Variants in CTNND1 observed in about 807,000 individuals in gnomAD.
CTNND1 encodes catenin delta-1.
Under a neutral mutation model 112.1 loss-of-function variants are expected in CTNND1, and 16 were observed. That is an observed-to-expected ratio of 0.14 (90% CI 0.10 to 0.22). The LOEUF (loss-of-function observed/expected upper bound fraction) is 0.22. Among genes scored for constraint, CTNND1 ranks in the 10% least tolerant of loss-of-function variants. CTNND1 has a pLI of 1.00. For missense variants in CTNND1, 1,008 were observed against 1,257.0 expected, an observed-to-expected ratio of 0.80 and a Z score of 3.00; for synonymous variants, 420 against 446.5, an observed-to-expected ratio of 0.94 and a Z score of 0.75.
intron 11 of CTNND1, 128 bp downstream of exon 11, chr11:57,806,606 T>A: frequency 2.3e-6 from 2 of 851,182 alleles, no homozygotes; most frequent in Non-Finnish European, 3.8e-6. Flanking sequence ...AGGAAGACAC[T>A]GAAACAAGTT....
In CTNND1 at chr11:57,814,373, GGTA is replaced by G; in HGVS notation, c.2701+2_2701+4del. On this transcript the variant is annotated splice_donor_variant and splice_donor_region_variant and intron_variant, in intron 18 of 20. Coordinates refer to ENST00000399050, the MANE Select transcript of CTNND1 (RefSeq NM_001085458.2). LOFTEE classifies it high-confidence loss of function. ...TATGGGATCAAACACAAAATCACTA[GGTA>G]GGTGATTAATTCCTGCCTAAGGATG... The G allele has an allele frequency of 6.2e-7, 1 of 1,605,688 alleles. No individual in the cohort carries two copies. The highest frequency in any genetic ancestry group is 8.5e-7 in the Non-Finnish European group (1 of 1,174,386).
At chr11:57,771,028 C>G (rs1443214833) in intron 1 of CTNND1, among the ~76,000 whole-genome samples, 1 of 151,944 alleles carries the variant, frequency 6.6e-6, no homozygotes, top group East Asian at 1.9e-4. Context: ...GGATGTCTAC[C>G]GTGCTGAAGG....
intron 1 of CTNND1, among the ~76,000 whole-genome samples, chr11:57,762,532 T>A (rs898435604): frequency 6.6e-6 from 1 of 152,192 alleles, no homozygotes; most frequent in African/African-American, 2.4e-5. Context: ...TTTTCTTTTA[T>A]CATTGGATTT....
rs372514468 is a variant in CTNND1, at chr11:57,796,471, G to A, written c.435G>A (p.Val145=). The change falls in exon 6 of 21, where the codon GTG becomes GTA. Residue 145 remains valine, a synonymous_variant. Coordinates refer to ENST00000399050, the MANE Select transcript of CTNND1 (RefSeq NM_001085458.2). ...CCTACTTGCAGGTCAAGAAAGTAGT[G>A]AAGACTGTGACAACACGGACAGTAC... ...RRTETTVKKV[V]KTVTTRTVQP... The A allele has an allele frequency of 5.0e-6, 8 of 1,599,968 alleles. No individual in the cohort carries two copies. The African/African-American group carries it at 1.1e-4, about 22-fold the overall frequency.
chr11:57,808,126 C>T, intron 12 of CTNND1, 39 bp from the exon 13 acceptor site: 1 of 1,582,758 alleles, frequency 6.3e-7, no homozygotes, highest in Non-Finnish European at 8.6e-7. Context: ...TTTATTGGTA[C>T]TGATTAGCAC....
chr11:57,765,707 A>G lies in CTNND1; in HGVS notation c.-214+3588A>G, dbSNP rs753860749. ...GGTCTCAAACACCTGGGCTCAAGCC[A>G]TCCTCCTACCTCGGCCTCCTAAAGT... On this transcript the variant is annotated intron_variant, in intron 1 of 20. Transcript: ENST00000399050. 3.3e-5 allele frequency among the ~76,000 whole-genome samples: 5 copies of G among 152,052 alleles called. 1 individual carries two copies. The highest frequency in any genetic ancestry group is 5.9e-5 in the Non-Finnish European group (4 of 67,998).
At chr11:57,767,683 A>G (rs1361628504) in intron 1 of CTNND1, among the ~76,000 whole-genome samples, 1 of 828 alleles carries the variant, frequency 1.2e-3, no homozygotes, top group African/African-American at 1.8e-3. Context: ...GATAATATTA[A>G]CCATCTTATA....
chr11:57,812,734 T>C (rs1028808585), intron 17 of CTNND1, among the ~76,000 whole-genome samples: 4 of 152,152 alleles, frequency 2.6e-5, no homozygotes, highest in Admixed American at 6.5e-5. Flanking sequence ...CAGGCTGGTC[T>C]TGAACTCCTG....
rs141419269 is a variant in CTNND1, at chr11:57,803,193, C to T, written c.1421-428C>T. On this transcript the variant is annotated intron_variant, in intron 7 of 20. Coordinates refer to ENST00000399050, the MANE Select transcript of CTNND1 (RefSeq NM_001085458.2). Reference sequence around the variant, plus strand: ...CACAATCTCAGCTCACCGCAAGCTCCGCCTCATGGGTTCACGCCATTCTCC... The same window carrying T: ...CACAATCTCAGCTCACCGCAAGCTCTGCCTCATGGGTTCACGCCATTCTCC... 2.7e-4 allele frequency among the ~76,000 whole-genome samples: 41 copies of T among 152,258 alleles called. 1 individual carries two copies. The East Asian group carries it at 6.6e-3, about 24-fold the overall frequency.
At chr11:57,815,339 G>T in intron 18 of CTNND1, 55 bp from the exon 19 acceptor site, 1 of 1,069,194 alleles carries the variant, frequency 9.4e-7, no homozygotes, top group Non-Finnish European at 1.4e-6. Context: ...TTTGATATAC[G>T]TTTTACACTA....
intron 1 of CTNND1, among the ~76,000 whole-genome samples, chr11:57,782,835 AT>A (rs1368583812): frequency 1.3e-5 from 2 of 152,244 alleles, no homozygotes; most frequent in African/African-American, 4.8e-5. Flanking sequence ...ATCCAGAATA[AT>A]ACAGGTTTTG....
chr11:57,803,737 A>G lies in CTNND1; in HGVS notation c.1537A>G (p.Asn513Asp), dbSNP rs199990235. 2.6e-4 allele frequency: 421 copies of G among 1,613,588 alleles called. 4 individuals carry two copies. The highest frequency in any genetic ancestry group is 1.8e-3 in the Admixed American group (109 of 59,974). The change falls in exon 8 of 21, where the codon AAT becomes GAT. Residue 513 changes from asparagine to aspartate, a missense_variant. Transcript: ENST00000399050. ...IPHSGWEREPNEDCKPRHIEW... is the reference protein window; with the variant it reads ...IPHSGWEREPDEDCKPRHIEW... Reference sequence around the variant, plus strand: ...TCATTCTGGTTGGGAGCGGGAACCTAATGAAGACTGTAAGCCACGCCACAT... The same window carrying G: ...TCATTCTGGTTGGGAGCGGGAACCTGATGAAGACTGTAAGCCACGCCACAT...
chr11:57,812,792 G>A (rs930370115), intron 17 of CTNND1, among the ~76,000 whole-genome samples: 2 of 152,114 alleles, frequency 1.3e-5, no homozygotes, highest in Admixed American at 6.6e-5. Flanking sequence ...ATTACATCCG[G>A]CGCTCAGCCA....
intron 1 of CTNND1, among the ~76,000 whole-genome samples, chr11:57,771,915 G>A (rs764611595): frequency 5.9e-5 from 9 of 151,976 alleles, no homozygotes; most frequent in Non-Finnish European, 1.2e-4. Flanking sequence ...TTTGGGAAGT[G>A]GGATCAAAAT....
At chr11:57,804,642 A>G in intron 8 of CTNND1, 21 bp from the exon 9 acceptor site, 1 of 1,590,870 alleles carries the variant, frequency 6.3e-7, no homozygotes, top group South Asian at 1.1e-5. Flanking sequence ...AGTCATCTTG[A>G]AGCTTCTGGT....
Position 57,780,015 on chromosome 11 carries a change from A to G in CTNND1, c.-213-9022A>G, listed in dbSNP as rs544099074. 2.6e-5 allele frequency among the ~76,000 whole-genome samples: 4 copies of G among 151,696 alleles called. No individual in the cohort carries two copies. The East Asian group carries it at 5.8e-4, about 22-fold the overall frequency. On this transcript the variant is annotated intron_variant, in intron 1 of 20. Transcript: ENST00000399050. ...CCTCCTTCCCCTCTCCGTAAAAAAA[A>G]TGTCAACTTTGGGTTAACTTCTTAA...
chr11:57,787,928 C>T (rs1004610437), intron 1 of CTNND1, among the ~76,000 whole-genome samples: 1 of 152,260 alleles, frequency 6.6e-6, no homozygotes, highest in Non-Finnish European at 1.5e-5. Flanking sequence ...TAACCTTCTT[C>T]ACTGAATTTA....
Position 57,802,057 on chromosome 11 carries a change from A to T in CTNND1, c.1281A>T (p.Gly427=). Residue 427 remains glycine, a synonymous_variant, in exon 7 of 21, where the codon GGA becomes GGT. Coordinates refer to ENST00000399050, the MANE Select transcript of CTNND1 (RefSeq NM_001085458.2). ...LDHPKKEVHL[G]ACGALKNISF... ...ATCCCAAAAAGGAAGTGCACCTTGG[A>T]GCCTGTGGAGCTCTCAAGAATATCT... 24 of 1,614,022 alleles carry T rather than the reference A, an allele frequency of 1.5e-5. No homozygotes were observed. The highest frequency in any genetic ancestry group is 2.0e-5 in the Non-Finnish European group (24 of 1,179,892).
chr11:57,802,166 C>G lies in CTNND1; in HGVS notation c.1390C>G (p.Arg464Gly), dbSNP rs11570199. 1.9e-5 allele frequency: 30 copies of G among 1,613,406 alleles called. No homozygotes were observed. The highest frequency in any genetic ancestry group is 2.5e-5 in the Non-Finnish European group (29 of 1,179,594). Reference sequence around the variant, plus strand: ...CCTTGTGCGATTGCTTCGAAAGGCTCGTGATATGGACCTTACTGAAGTTAT... The same window carrying G: ...CCTTGTGCGATTGCTTCGAAAGGCTGGTGATATGGACCTTACTGAAGTTAT... Reference protein sequence around the residue: ...PALVRLLRKARDMDLTEVITG... With the variant: ...PALVRLLRKAGDMDLTEVITG... Residue 464 changes from arginine (R) to glycine (G), a missense_variant, in exon 7 of 21, where the codon CGT (arginine) becomes GGT (glycine). This residue lies in a region of CTNND1 where 216 missense variants were observed against 342.8 expected (regional missense o/e 0.63). Transcript: ENST00000399050.
Sources: gnomAD v4.1 joint callset for allele counts (sites outside exome capture counted in the v4.1 genomes callset) on GRCh38, gnomAD v4.1.1 for gene constraint, gnomAD v4.1.1 regional missense constraint, MANE v1.5 for transcripts, NCBI Gene and HGNC (gene_info 2026-07-23, HGNC 2026-07-21) for gene names.